The following ENTPD7 variants were observed in gnomAD, a reference collection of about 807,000 sequenced individuals.
The protein encoded by ENTPD7 is NTPDase 7.
ENTPD7 carries 53 observed loss-of-function variants against 77.9 expected under a neutral mutation model. The ratio of observed to expected loss-of-function variants is 0.68; its 90% CI spans 0.55 to 0.85. The LOEUF (loss-of-function observed/expected upper bound fraction) is 0.85, where lower values mean the gene tolerates loss of function less well. ENTPD7 is among the 40% of genes least tolerant of loss of function. The pLI, the probability that ENTPD7 is intolerant of heterozygous loss-of-function variation, is 0.00. For missense variants in ENTPD7, 636 were observed against 743.7 expected (o/e 0.86, Z 1.68); for synonymous variants, 248 against 274.9 (o/e 0.90, Z 0.97).
chr10:99,681,310 G>A (rs188739387), intron 5 of ENTPD7, among the ~76,000 whole-genome samples: 25 of 151,726 alleles, frequency 1.6e-4, no homozygotes, highest in African/African-American at 4.8e-4. Flanking sequence ...ACAGGGTCTC[G>A]CTCTGTTGCC....
At chr10:99,703,412 G>A (rs1590066109) in intron 12 of ENTPD7, among the ~76,000 whole-genome samples, 1 of 152,356 alleles carries the variant, frequency 6.6e-6, no homozygotes, top group East Asian at 1.9e-4. Flanking sequence ...TTAATGGGCT[G>A]GTTACTGTCA....
At chr10:99,679,940 G>A in intron 5 of ENTPD7, 65 bp downstream of exon 5, 1 of 1,543,166 alleles carries the variant, frequency 6.5e-7, no homozygotes, top group Admixed American at 1.9e-5. Flanking sequence ...CCAGTTTCAT[G>A]CACTGTCCTC....
At chr10:99,666,770 A>G (rs10883402) in intron 3 of ENTPD7, among the ~76,000 whole-genome samples, 128,323 of 152,190 alleles carry the variant, frequency 0.84, 54,318 homozygotes, top group Middle Eastern at 0.92. Context: ...AACAGAAGGC[A>G]TATTTTATAA....
At chr10:99,700,565 A>G (rs1228011171) in intron 10 of ENTPD7, among the ~76,000 whole-genome samples, 1 of 152,204 alleles carries the variant, frequency 6.6e-6, no homozygotes, top group Non-Finnish European at 1.5e-5. Flanking sequence ...GCAGACATAC[A>G]AACCAAAAGG....
At chr10:99,661,210 TAA>T (rs1209384326) in intron 2 of ENTPD7, among the ~76,000 whole-genome samples, 1 of 152,188 alleles carries the variant, frequency 6.6e-6, no homozygotes, top group African/African-American at 2.4e-5. Context: ...AACATGAGAT[TAA>T]GTCTTTGAAT....
chr10:99,704,675 G>GGGCC lies in ENTPD7; in HGVS notation c.1809_1812dup (p.Ter605AlafsTer8). ...GGTGCCCATGATGGGAGTACAGGTGGGGCCGTGAGGCTGGACCAGGACTAG... is the reference window on the plus strand; with the variant it reads ...GGTGCCCATGATGGGAGTACAGGTGGGGCCGGCCGTGAGGCTGGACCAGGACTAG... On this transcript the variant is annotated frameshift_variant, in exon 13 of 13. Coordinates refer to ENST00000370489, the MANE Select transcript of ENTPD7 (RefSeq NM_020354.5). LOFTEE classifies it high-confidence loss of function. 6.2e-7 allele frequency: 1 copy of GGGCC among 1,613,168 alleles called. No homozygotes were observed. Among genetic ancestry groups the GGGCC allele is most frequent in the Non-Finnish European group, 8.5e-7 (1 of 1,179,632 alleles).
intron 2 of ENTPD7, among the ~76,000 whole-genome samples, 187 bp from the exon 3 acceptor site, chr10:99,661,259 G>A (rs1755524804): frequency 6.6e-6 from 1 of 152,078 alleles, no homozygotes; most frequent in Non-Finnish European, 1.5e-5. Flanking sequence ...GGGCAGATAA[G>A]GCTTTTCTGA....
intron 3 of ENTPD7, among the ~76,000 whole-genome samples, chr10:99,666,440 C>G (rs1022491752): frequency 1.3e-5 from 2 of 152,140 alleles, no homozygotes; most frequent in Non-Finnish European, 2.9e-5. Context: ...AATCCCTGGC[C>G]TCAAGTAGTC....
intron 7 of ENTPD7, among the ~76,000 whole-genome samples, chr10:99,689,277 G>A (rs1056877055): frequency 6.6e-5 from 10 of 152,004 alleles, no homozygotes; most frequent in African/African-American, 9.7e-5. Flanking sequence ...ATGTTTATTC[G>A]TAGTGGGCTT....
intron 3 of ENTPD7, among the ~76,000 whole-genome samples, chr10:99,664,550 A>C (rs1464563163): frequency 1.3e-5 from 2 of 151,604 alleles, no homozygotes; most frequent in South Asian, 2.1e-4. Context: ...CCCGGGTTCA[A>C]GTGATTCTCC....
chr10:99,687,132 G>A (rs765315712), intron 6 of ENTPD7, among the ~76,000 whole-genome samples: 10 of 150,906 alleles, frequency 6.6e-5, no homozygotes, highest in Admixed American at 2.0e-4. Flanking sequence ...GGTCAGGCTG[G>A]TCTCAAACTC....
At chr10:99,698,423 TATC>T (rs1267126255) in intron 9 of ENTPD7, 108 bp from the exon 10 acceptor site, 23 of 1,046,540 alleles carry the variant, frequency 2.2e-5, no homozygotes, top group Admixed American at 2.8e-5. Flanking sequence ...TTTCTAGAGA[TATC>T]ATGAAAACCA....
Position 99,709,036 on chromosome 10 carries a change from C to T in ENTPD7, c.*4353C>T. The T allele has an allele frequency of 1.0e-6, 1 of 983,496 alleles. No individual in the cohort carries two copies. The highest frequency in any genetic ancestry group is 4.7e-5 in the South Asian group (1 of 21,252). The allele number at this position is 983,496 out of a possible 1,614,324, so 60.9% of individuals were successfully genotyped here. On this transcript the variant is annotated 3_prime_UTR_variant, in exon 13 of 13. Transcript: ENST00000370489. Reference sequence around the variant, plus strand: ...CAGAAATAGTGCCAAGTTTTCACTACATCTATTCTTGTTCCTGTATTTCTT... The same window carrying T: ...CAGAAATAGTGCCAAGTTTTCACTATATCTATTCTTGTTCCTGTATTTCTT...
chr10:99,710,126 C>G lies in ENTPD7; in HGVS notation c.*5443C>G. The G allele has an allele frequency of 1.0e-6, 1 of 985,434 alleles. No individual in the cohort carries two copies. The highest frequency in any genetic ancestry group is 1.2e-6 in the Non-Finnish European group (1 of 829,934). 61.0% of individuals were successfully genotyped at this position (985,434 alleles called of 1,614,324 possible). A position where few individuals can be genotyped will look rare whatever the true frequency, so the allele number is the denominator to read the frequency against. Reference sequence around the variant, plus strand: ...TAAAGGGCAACCACTTGTATACCCTCTGGTGGCCACTCCTCCTTCTCCACT... The same window carrying G: ...TAAAGGGCAACCACTTGTATACCCTGTGGTGGCCACTCCTCCTTCTCCACT... On this transcript the variant is annotated 3_prime_UTR_variant, in exon 13 of 13. Transcript: ENST00000370489.
At chr10:99,680,058 G>C (rs537131145) in intron 5 of ENTPD7, among the ~76,000 whole-genome samples, 183 bp downstream of exon 5, 5 of 152,328 alleles carry the variant, frequency 3.3e-5, no homozygotes, top group African/African-American at 1.2e-4. Context: ...GATGACTATA[G>C]TGATTCTTAG....
Position 99,704,912 on chromosome 10 carries a change from C to T in ENTPD7, c.*229C>T, listed in dbSNP as rs1046217474. 23 of 554,414 alleles carry T rather than the reference C, an allele frequency of 4.1e-5. No individual in the cohort carries two copies. Among genetic ancestry groups the T allele is most frequent in the Non-Finnish European group, 6.1e-5 (19 of 310,018 alleles). The allele number at this position is 554,414 out of a possible 1,614,324, so 34.3% of individuals were successfully genotyped here. A position where few individuals can be genotyped will look rare whatever the true frequency, so the allele number is the denominator to read the frequency against. On this transcript the variant is annotated 3_prime_UTR_variant, in exon 13 of 13. Coordinates refer to ENST00000370489, the MANE Select transcript of ENTPD7 (RefSeq NM_020354.5). ...AAATGACAGGAGATTGGTGCTAATA[C>T]GGGGGACCAAGCTTTGTCCAAGTGA... is the stretch of plus-strand genomic sequence containing the variant.
chr10:99,684,619 A>G (rs542249059), intron 5 of ENTPD7, among the ~76,000 whole-genome samples: 1 of 152,360 alleles, frequency 6.6e-6, no homozygotes, highest in Non-Finnish European at 1.5e-5. Flanking sequence ...TGCTAACAAC[A>G]TTCTTCATCA....
rs368139016 is a variant in ENTPD7, at chr10:99,674,811, C to T, written c.192-4450C>T. On this transcript the variant is annotated intron_variant, in intron 3 of 12. Coordinates refer to ENST00000370489, the MANE Select transcript of ENTPD7 (RefSeq NM_020354.5). ...GTGCAAAAGCAATGGCAGGTAAAAC[C>T]GCTAATAATGCCTTAGTGCAAATCA... Among the ~76,000 whole-genome samples the T allele has an allele frequency of 5.3e-5, 8 of 152,206 alleles. No homozygotes were observed. In the South Asian group the frequency reaches 1.5e-3, roughly 28 times the overall value.
chr10:99,663,926 A>T (rs2035517653), intron 3 of ENTPD7, among the ~76,000 whole-genome samples: 1 of 151,872 alleles, frequency 6.6e-6, no homozygotes, highest in Non-Finnish European at 1.5e-5. Context: ...GAACTATGTG[A>T]TGTTTTCCCA....
Sources: gnomAD v4.1 joint callset for allele counts (sites outside exome capture counted in the v4.1 genomes callset) on GRCh38, gnomAD v4.1.1 for gene constraint, MANE v1.5 for transcripts, NCBI Gene and HGNC (gene_info 2026-07-23, HGNC 2026-07-21) for gene names.